MAEA: variants seen among roughly 807,000 people sequenced by gnomAD.
MAEA encodes the protein macrophage erythroblast attacher, E3 ubiquitin ligase.
A neutral mutation model predicts 46.2 loss-of-function variants in MAEA; 22 were observed. That is an observed-to-expected ratio of 0.48 (90% CI 0.34 to 0.68). The LOEUF (loss-of-function observed/expected upper bound fraction) is 0.68, where lower values mean the gene tolerates loss of function less well. MAEA is among the 30% of genes least tolerant of loss of function. The probability of loss-of-function intolerance (pLI) is 0.01; values close to 1 mark genes in which losing one functional copy is unlikely to be tolerated. For missense variants in MAEA, 393 were observed against 558.1 expected, an observed-to-expected ratio of 0.70 and a Z score of 2.98; for synonymous variants, 246 against 222.6, an observed-to-expected ratio of 1.11 and a Z score of -0.94.
chr4:1,313,608 C>T (rs2108914258), intron 2 of MAEA, among the ~76,000 whole-genome samples: 1 of 152,158 alleles, frequency 6.6e-6, no homozygotes, highest in Admixed American at 6.5e-5. Flanking sequence ...CCTGTAGCCC[C>T]AGCAGATACT....
intron 1 of MAEA, among the ~76,000 whole-genome samples, chr4:1,297,178 T>C (rs1560326178): frequency 6.6e-6 from 1 of 152,228 alleles, no homozygotes; most frequent in Non-Finnish European, 1.5e-5. Context: ...CCCAAGTCAG[T>C]TGACAGCGAT....
In MAEA at chr4:1,297,090, C is replaced by G. The variant is rs564301664; in HGVS notation, c.69+7108C>G. Among the ~76,000 whole-genome samples the G allele has an allele frequency of 4.1e-4, 63 of 152,332 alleles. 1 individual carries two copies. The South Asian group carries it at 0.013, about 31-fold the overall frequency. ...TGGAAGGCAGTTCAAAGATACGATACCAGGCGCAAAACCAAATGCCGCATC... is the reference window on the plus strand; with the variant it reads ...TGGAAGGCAGTTCAAAGATACGATAGCAGGCGCAAAACCAAATGCCGCATC... On this transcript the variant is annotated intron_variant, in intron 1 of 8. Coordinates refer to ENST00000303400, the MANE Select transcript of MAEA (RefSeq NM_001017405.3).
chr4:1,320,916 C>T (rs567737918), intron 3 of MAEA, among the ~76,000 whole-genome samples: 32 of 152,168 alleles, frequency 2.1e-4, no homozygotes, highest in Admixed American at 9.8e-4. Flanking sequence ...CTGGCTAACA[C>T]GGTGAAACCC....
intron 1 of MAEA, among the ~76,000 whole-genome samples, chr4:1,297,117 C>T (rs1454077487): frequency 2.0e-5 from 3 of 152,338 alleles, no homozygotes; most frequent in East Asian, 3.9e-4. Context: ...TGCCGCATCT[C>T]GGCCTTGGGG....
intron 5 of MAEA, chr4:1,329,749 C>T (rs10032327): frequency 0.13 from 124,142 of 985,232 alleles, 8,321 homozygotes; most frequent in African/African-American, 0.22. Flanking sequence ...TGAGGGAGTG[C>T]GGGTGTTTGG....
chr4:1,305,324 T>G (rs574620956), intron 1 of MAEA, among the ~76,000 whole-genome samples: 3 of 152,314 alleles, frequency 2.0e-5, no homozygotes, highest in Admixed American at 2.0e-4. Context: ...GGGTGCCTTG[T>G]GAGTGGAGCC....
intron 1 of MAEA, among the ~76,000 whole-genome samples, chr4:1,291,641 C>G (rs4974587): frequency 0.15 from 23,410 of 152,120 alleles, 3,462 homozygotes; most frequent in East Asian, 0.42. Context: ...TGGTTTGTCA[C>G]TTCTGGTACT....
chr4:1,329,457 G>A lies in MAEA; in HGVS notation c.656+1754G>A, dbSNP rs1012907945. The A allele has an allele frequency of 4.1e-6, 4 of 985,422 alleles. No individual in the cohort carries two copies. The African/African-American group carries it at 7.0e-5, about 17-fold the overall frequency. 61.0% of individuals were successfully genotyped at this position (985,422 alleles called of 1,614,324 possible). A position where few individuals can be genotyped will look rare whatever the true frequency, so the allele number is the denominator to read the frequency against. On this transcript the variant is annotated intron_variant, in intron 5 of 8. Transcript: ENST00000303400. ...TCGTCTGTTGCAGGGGAGCAGGCAG[G>A]TCCCAGGAAGTGCGTGTCCTTCCTC...
intron 1 of MAEA, among the ~76,000 whole-genome samples, chr4:1,291,244 C>G (rs1207610224): frequency 6.6e-6 from 1 of 152,204 alleles, no homozygotes; most frequent in African/African-American, 2.4e-5. Context: ...GATCCTCCTG[C>G]CTTTTGACCT....
In MAEA at chr4:1,311,934, T is replaced by C; in HGVS notation, c.70-45T>C. 6.4e-7 allele frequency: 1 copy of C among 1,552,546 alleles called. No homozygotes were observed. Among genetic ancestry groups the C allele is most frequent in the Non-Finnish European group, 8.8e-7 (1 of 1,135,536 alleles). ...GTCCTGGGTGTGGGGCTGGTGGGGC[T>C]CACACCAGGGGAGCAGATCCCTCAC... On this transcript the variant is annotated intron_variant, in intron 1 of 8. Coordinates refer to ENST00000303400, the MANE Select transcript of MAEA (RefSeq NM_001017405.3). This position sits in a 1 kb window ranked among gnomAD's most constrained non-coding sequence, Gnocchi z 4.4.
At chr4:1,290,469 TC>T (rs1222878865) in intron 1 of MAEA, among the ~76,000 whole-genome samples, 1 of 152,136 alleles carries the variant, frequency 6.6e-6, no homozygotes, top group Non-Finnish European at 1.5e-5. Flanking sequence ...TTGATGGGCG[TC>T]ACCAAACCTG....
intron 5 of MAEA, chr4:1,329,362 G>T: frequency 1.0e-6 from 1 of 985,466 alleles, no homozygotes; most frequent in Non-Finnish European, 1.2e-6. Flanking sequence ...GGTAGAATCT[G>T]CCCTAGAGAC....
At chr4:1,325,423 T>C (rs147295567) in intron 4 of MAEA, among the ~76,000 whole-genome samples, 1 of 123,472 alleles carries the variant, frequency 8.1e-6, no homozygotes, top group African/African-American at 3.1e-5. Flanking sequence ...GATTTGGGTC[T>C]GAATACCTAA....
In MAEA at chr4:1,336,873, C is replaced by A; in HGVS notation, c.778C>A (p.Pro260Thr). 5.6e-6 allele frequency: 9 copies of A among 1,613,840 alleles called. No homozygotes were observed. Among genetic ancestry groups the A allele is most frequent in the Non-Finnish European group, 7.6e-6 (9 of 1,179,904 alleles). ...CTCTGTCTTCCAGGACCTTCTGGAC[C>A]CTGCACGGTGGCGGATGCTGATCCA... The part of the protein sequence containing the change: ...HISPYKDLLD[P>T]ARWRMLIQQF... The change falls in exon 7 of 9, where the codon CCT (proline) becomes ACT (threonine). Residue 260 changes from proline (P) to threonine (T), a missense_variant. By Grantham distance (38) the Pro-to-Thr change is conservative (BLOSUM62 -1). Coordinates refer to ENST00000303400, the MANE Select transcript of MAEA (RefSeq NM_001017405.3).
At chr4:1,297,612 T>A (rs1331327942) in intron 1 of MAEA, among the ~76,000 whole-genome samples, 1 of 152,178 alleles carries the variant, frequency 6.6e-6, no homozygotes, top group African/African-American at 2.4e-5. Context: ...TCTGACGCGG[T>A]CGCCTGCATC....
chr4:1,336,936 G>A lies in MAEA; in HGVS notation c.841G>A (p.Gly281Arg), dbSNP rs769145424. ...RYDNYRLHQL[G>R]NNSVFTLTLQ... is the part of the protein sequence containing the mutation. ...CGACAACTACCGACTACACCAGCTG[G>A]GAAACAATTCTGTGTTCACCCTCAC... Residue 281 changes from glycine (G) to arginine (R), a missense_variant, in exon 7 of 9, where the codon GGA becomes AGA. Transcript: ENST00000303400. The A allele has an allele frequency of 6.2e-7, 1 of 1,614,048 alleles. No individual in the cohort carries two copies. Among genetic ancestry groups the A allele is most frequent in the East Asian group, 2.2e-5 (1 of 44,880 alleles).
intron 4 of MAEA, among the ~76,000 whole-genome samples, chr4:1,327,271 A>AGAGG (rs576541589): frequency 1.9e-4 from 29 of 152,322 alleles, no homozygotes; most frequent in Admixed American, 3.3e-4. Flanking sequence ...TTGTCCTTGC[A>AGAGG]GAGGGGTTGG....
intron 1 of MAEA, among the ~76,000 whole-genome samples, chr4:1,310,761 G>T (rs1314915327): frequency 6.6e-6 from 1 of 152,230 alleles, no homozygotes; most frequent in Admixed American, 6.5e-5. Flanking sequence ...CAGGCCGAGT[G>T]GGGAGTGGCA....
At chr4:1,318,913 A>C (rs374412218) in intron 3 of MAEA, among the ~76,000 whole-genome samples, 28 of 137,862 alleles carry the variant, frequency 2.0e-4, no homozygotes, top group Non-Finnish European at 1.6e-5. Context: ...AGCTGCTGCC[A>C]AGGGAAGGCC....
Sources: allele counts gnomAD v4.1 joint callset (sites outside exome capture counted in the v4.1 genomes callset), GRCh38; gene constraint gnomAD v4.1.1; non-coding constraint Gnocchi (gnomAD v3.1); transcripts MANE v1.5; gene names NCBI Gene and HGNC (gene_info 2026-07-23, HGNC 2026-07-21).